Variants in NPAS3 observed in about 807,000 individuals in gnomAD.
NPAS3 encodes neuronal PAS domain protein 3, also known as neuronal PAS domain-containing protein 3.
NPAS3 carries 14 observed loss-of-function variants against 73.1 expected under a neutral mutation model. The ratio of observed to expected loss-of-function variants is 0.19; its 90% CI spans 0.13 to 0.30. NPAS3 has a LOEUF of 0.30. Among genes scored for constraint, NPAS3 ranks in the 10% least tolerant of loss-of-function variants. The pLI, the probability that NPAS3 is intolerant of heterozygous loss-of-function variation, is 1.00. For synonymous variants in NPAS3, 620 were observed against 541.5 expected, an observed-to-expected ratio of 1.14 and a Z score of -2.01; for missense variants, 1,096 against 1,250.0, an observed-to-expected ratio of 0.88 and a Z score of 1.86.
At chr14:33,753,371 A>C (rs1292884512) in intron 7 of NPAS3, among the ~76,000 whole-genome samples, 1 of 152,098 alleles carries the variant, frequency 6.6e-6, no homozygotes, top group Non-Finnish European at 1.5e-5. Context: ...AAAAAAAAAA[A>C]AACGTACACT....
In NPAS3 at chr14:33,634,624, C is replaced by T. The variant is rs560694905; in HGVS notation, c.559-41587C>T. Among the ~76,000 whole-genome samples the T allele has an allele frequency of 3.3e-5, 5 of 151,990 alleles. No individual in the cohort carries two copies. In the East Asian group the frequency reaches 7.7e-4, roughly 24 times the overall value. On this transcript the variant is annotated intron_variant, in intron 5 of 11. Coordinates refer to ENST00000356141, the Ensembl canonical transcript of NPAS3. ...GAAGGCAGCAATTCCTAGGAGTTTG[C>T]GATGTGAGGTGGGAGGTACTTTTCT... is the stretch of plus-strand genomic sequence containing the variant.
chr14:33,548,277 T>C (rs1193536987), intron 4 of NPAS3, among the ~76,000 whole-genome samples: 4 of 152,224 alleles, frequency 2.6e-5, no homozygotes, highest in African/African-American at 4.8e-5. Flanking sequence ...CATTGAGATG[T>C]AGACCGTCAT....
intron 2 of NPAS3, among the ~76,000 whole-genome samples, chr14:33,160,374 AGTG>A (rs1375873370): frequency 6.6e-6 from 1 of 151,792 alleles, no homozygotes; most frequent in Non-Finnish European, 1.5e-5. Context: ...GTGGTCCAAA[AGTG>A]GTGATTTTTA....
intron 4 of NPAS3, among the ~76,000 whole-genome samples, chr14:33,454,872 C>A (rs1223786675): frequency 6.6e-6 from 1 of 152,110 alleles, no homozygotes. Context: ...AGCGTATAGC[C>A]AGATTGCCTT....
At chr14:33,411,432 C>T (rs1423020382) in intron 4 of NPAS3, among the ~76,000 whole-genome samples, 2 of 152,208 alleles carry the variant, frequency 1.3e-5, no homozygotes, top group African/African-American at 4.8e-5. Context: ...ATCCACCTGC[C>T]TCGGTTTCCC....
chr14:33,191,477 G>T (rs1375106768), intron 2 of NPAS3, among the ~76,000 whole-genome samples: 8 of 152,040 alleles, frequency 5.3e-5, no homozygotes, highest in Admixed American at 5.2e-4. Context: ...AAATTCTTAG[G>T]GGCCATTCAT....
At chr14:33,752,671 C>A (rs892517023) in intron 7 of NPAS3, among the ~76,000 whole-genome samples, 9 of 152,166 alleles carry the variant, frequency 5.9e-5, no homozygotes, top group African/African-American at 2.2e-4. Context: ...CACAGACGAG[C>A]TTTCGATCAC....
chr14:33,296,124 G>T (rs1477230010), intron 3 of NPAS3, among the ~76,000 whole-genome samples: 1 of 152,132 alleles, frequency 6.6e-6, no homozygotes, highest in East Asian at 1.9e-4. Context: ...TAGAACTTTG[G>T]AATTAGCCTT....
intron 3 of NPAS3, among the ~76,000 whole-genome samples, chr14:33,338,053 A>G (rs888939447): frequency 6.6e-6 from 1 of 151,690 alleles, no homozygotes; most frequent in East Asian, 1.9e-4. Flanking sequence ...TTTAATCTCT[A>G]TAGCTTCAAT....
At chr14:33,464,839 T>C (rs7141075) in intron 4 of NPAS3, among the ~76,000 whole-genome samples, 5,322 of 152,286 alleles carry the variant, frequency 0.035, 284 homozygotes, top group African/African-American at 0.12. Flanking sequence ...ATGGAAAGGC[T>C]TGGGCTCCTC....
At chr14:33,032,194 T>C (rs1004214625) in intron 1 of NPAS3, among the ~76,000 whole-genome samples, 4 of 152,184 alleles carry the variant, frequency 2.6e-5, no homozygotes, top group Non-Finnish European at 5.9e-5. Context: ...ATGATGCGGC[T>C]GAAGATTGCC....
At chr14:33,785,706 A>G (rs1249997928) in intron 9 of NPAS3, among the ~76,000 whole-genome samples, 1 of 152,164 alleles carries the variant, frequency 6.6e-6, no homozygotes, top group Non-Finnish European at 1.5e-5. Flanking sequence ...TGCAGGGTTA[A>G]CTAAAGATCA....
At chr14:33,024,397 A>G (rs1229434772) in intron 1 of NPAS3, among the ~76,000 whole-genome samples, 1 of 151,856 alleles carries the variant, frequency 6.6e-6, no homozygotes, top group Non-Finnish European at 1.5e-5. Context: ...GTCTCGAACT[A>G]CTGACCTCAT....
chr14:33,034,897 T>C (rs2040112435), intron 1 of NPAS3, among the ~76,000 whole-genome samples: 1 of 152,166 alleles, frequency 6.6e-6, no homozygotes, highest in Non-Finnish European at 1.5e-5. Context: ...ACATAGCAAT[T>C]CTGGTTCTTT....
intron 4 of NPAS3, among the ~76,000 whole-genome samples, chr14:33,455,638 G>C (rs1384572405): frequency 6.6e-6 from 1 of 152,206 alleles, no homozygotes. Context: ...CTATAATCTT[G>C]TATGACACTG....
rs543480801 is a variant in NPAS3, at chr14:33,560,422, TC to T, written c.558+216del. On this transcript the variant is annotated intron_variant, in intron 5 of 11. Transcript: ENST00000356141. ...TTGTGCTCAAAAACTTTAGTTCCGC[TC>T]CCCACCCCCCAAGGATCATTATTAA... 330 of 427,560 alleles carry T rather than the reference TC, an allele frequency of 7.7e-4. 1 individual carries two copies. Among genetic ancestry groups the T allele is most frequent in the African/African-American group, 6.1e-3 (306 of 49,874 alleles). The allele number at this position is 427,560 out of a possible 1,614,324, so 26.5% of individuals were successfully genotyped here.
At chr14:32,994,273 T>C (rs1566443060) in intron 1 of NPAS3, among the ~76,000 whole-genome samples, 1 of 152,224 alleles carries the variant, frequency 6.6e-6, no homozygotes, top group East Asian at 1.9e-4. Context: ...GGGCATTCTA[T>C]GGTACTTCAC....
intron 5 of NPAS3, among the ~76,000 whole-genome samples, chr14:33,632,138 G>A (rs1208298241): frequency 1.3e-5 from 2 of 152,130 alleles, no homozygotes; most frequent in Non-Finnish European, 2.9e-5. Flanking sequence ...GCAGAAGAAG[G>A]CAAAGGTAAT....
At chr14:33,253,493 A>G (rs1279676771) in intron 3 of NPAS3, among the ~76,000 whole-genome samples, 1 of 151,990 alleles carries the variant, frequency 6.6e-6, no homozygotes, top group Non-Finnish European at 1.5e-5. Context: ...TGATTTCCCA[A>G]TGGTAATCAA....
Sources: allele counts gnomAD v4.1 joint callset (sites outside exome capture counted in the v4.1 genomes callset), GRCh38; gene constraint gnomAD v4.1.1; transcripts MANE v1.5; gene names NCBI Gene and HGNC (gene_info 2026-07-23, HGNC 2026-07-21).